GPC5: variants seen among roughly 807,000 people sequenced by gnomAD.
GPC5 encodes the protein glypican 5.
GPC5 carries 47 observed loss-of-function variants against 53.9 expected under a neutral mutation model. The observed-to-expected ratio is 0.87, with a 90% CI of 0.69 to 1.11. GPC5 has a LOEUF of 1.11. GPC5 is among the 50% of genes most tolerant of loss of function. The pLI is 0.00. For missense variants in GPC5, 748 were observed against 713.1 expected (o/e 1.05, Z -0.56); for synonymous variants, 286 against 263.3 (o/e 1.09, Z -0.84).
intron 5 of GPC5, among the ~76,000 whole-genome samples, chr13:91,805,846 C>G (rs2038210753): frequency 6.6e-6 from 1 of 152,054 alleles, no homozygotes; most frequent in African/African-American, 2.4e-5. Flanking sequence ...AAGAATATCT[C>G]TCTTATATAA....
intron 7 of GPC5, among the ~76,000 whole-genome samples, chr13:92,385,407 TAC>T (rs199521803): frequency 0.19 from 16,100 of 82,964 alleles, 2,221 homozygotes; most frequent in Admixed American, 0.25. Context: ...TACACATATA[TAC>T]ACATATATAT....
At chr13:92,317,772 A>T (rs1255445743) in intron 7 of GPC5, among the ~76,000 whole-genome samples, 1 of 152,144 alleles carries the variant, frequency 6.6e-6, no homozygotes, top group African/African-American at 2.4e-5. Context: ...TAGTGCTGGG[A>T]TTACAGGCAT....
intron 6 of GPC5, among the ~76,000 whole-genome samples, chr13:91,961,262 G>A (rs1197475765): frequency 6.6e-6 from 1 of 151,894 alleles, no homozygotes; most frequent in Non-Finnish European, 1.5e-5. Flanking sequence ...TTCTATGCAT[G>A]TAATAAAGTG....
At chr13:92,563,837 C>T (rs1257159105) in intron 7 of GPC5, among the ~76,000 whole-genome samples, 17 of 152,010 alleles carry the variant, frequency 1.1e-4, no homozygotes, top group Non-Finnish European at 2.9e-5. Context: ...TTATTACAGT[C>T]TTGCTACATC....
At chr13:91,575,004 T>C (rs2032080312) in intron 2 of GPC5, among the ~76,000 whole-genome samples, 1 of 152,134 alleles carries the variant, frequency 6.6e-6, no homozygotes, top group African/African-American at 2.4e-5. Context: ...AGTTCTCCAA[T>C]ATAATGCCTC....
chr13:92,295,832 C>G (rs2043030586), intron 7 of GPC5, among the ~76,000 whole-genome samples: 1 of 152,072 alleles, frequency 6.6e-6, no homozygotes, highest in African/African-American at 2.4e-5. Context: ...CCCCCTTTAC[C>G]TTAAGTTTGT....
intron 7 of GPC5, among the ~76,000 whole-genome samples, chr13:92,641,832 C>G (rs772931642): frequency 7.9e-5 from 12 of 152,082 alleles, no homozygotes; most frequent in African/African-American, 1.4e-4. Context: ...GCACTTTGGG[C>G]AGAAAGGGAG....
At chr13:92,567,588 A>G (rs1882899676) in intron 7 of GPC5, among the ~76,000 whole-genome samples, 1 of 152,154 alleles carries the variant, frequency 6.6e-6, no homozygotes. Flanking sequence ...TAAAAGTCAA[A>G]GAGTAAAAAG....
intron 7 of GPC5, among the ~76,000 whole-genome samples, chr13:92,859,705 A>G (rs1216119826): frequency 6.6e-6 from 1 of 152,106 alleles, no homozygotes; most frequent in African/African-American, 2.4e-5. Flanking sequence ...TGCAAAAATG[A>G]CCTTTTAAAT....
At chr13:92,584,361 A>G (rs1198776687) in intron 7 of GPC5, among the ~76,000 whole-genome samples, 3 of 152,196 alleles carry the variant, frequency 2.0e-5, no homozygotes, top group Admixed American at 1.3e-4. Flanking sequence ...GACTCTTGCT[A>G]TGTTTTAGCA....
intron 7 of GPC5, among the ~76,000 whole-genome samples, chr13:92,495,497 A>C (rs1879938002): frequency 6.6e-6 from 1 of 152,094 alleles, no homozygotes; most frequent in African/African-American, 2.4e-5. Context: ...TGGTATTGGG[A>C]TATGCTGCCA....
chr13:92,095,410 C>T (rs765165869), intron 6 of GPC5, among the ~76,000 whole-genome samples: 9 of 152,176 alleles, frequency 5.9e-5, no homozygotes, highest in Middle Eastern at 3.4e-3. Context: ...TGTAGTGGCA[C>T]GATCTTGGCT....
chr13:92,028,873 A>G (rs1000045279), intron 6 of GPC5, among the ~76,000 whole-genome samples: 5 of 152,204 alleles, frequency 3.3e-5, no homozygotes, highest in South Asian at 2.1e-4. Flanking sequence ...GAAGCTATCA[A>G]TGGAGCCAGA....
chr13:92,540,281 C>T (rs899871215), intron 7 of GPC5, among the ~76,000 whole-genome samples: 1 of 151,946 alleles, frequency 6.6e-6, no homozygotes. Context: ...TCTTTCAACA[C>T]ATAAATAAAA....
chr13:92,253,199 A>T (rs770117115), intron 7 of GPC5, among the ~76,000 whole-genome samples: 3 of 152,144 alleles, frequency 2.0e-5, no homozygotes, highest in Non-Finnish European at 4.4e-5. Flanking sequence ...GTAGTAATTT[A>T]TGTGGACTGT....
At chr13:92,520,323 C>CA (rs1566272589) in intron 7 of GPC5, among the ~76,000 whole-genome samples, 1 of 151,924 alleles carries the variant, frequency 6.6e-6, no homozygotes, top group African/African-American at 2.4e-5. Flanking sequence ...AGAGACACAA[C>CA]AAAAAAAGAG....
chr13:91,971,432 A>G (rs1477324216), intron 6 of GPC5, among the ~76,000 whole-genome samples: 5 of 151,972 alleles, frequency 3.3e-5, no homozygotes, highest in Non-Finnish European at 5.9e-5. Context: ...TAGATTCACT[A>G]ATTTTTTGAA....
intron 6 of GPC5, among the ~76,000 whole-genome samples, chr13:92,038,832 A>G (rs2040918987): frequency 6.6e-6 from 1 of 152,166 alleles, no homozygotes; most frequent in Admixed American, 6.6e-5. Context: ...CACAGTCAGG[A>G]CCCCAGGAAG....
chr13:92,788,899 C>T (rs968989907), intron 7 of GPC5, among the ~76,000 whole-genome samples: 1 of 152,034 alleles, frequency 6.6e-6, no homozygotes, highest in African/African-American at 2.4e-5. Context: ...GGGTTTCCCC[C>T]AGGGTATTTG....
Sources: allele counts gnomAD v4.1 joint callset (sites outside exome capture counted in the v4.1 genomes callset), GRCh38; gene constraint gnomAD v4.1.1; transcripts MANE v1.5; gene names NCBI Gene and HGNC (gene_info 2026-07-23, HGNC 2026-07-21).